COL8A1: variants seen among roughly 807,000 people sequenced by gnomAD.
COL8A1 encodes collagen alpha-1(VIII) chain.
Under a neutral mutation model 42.7 loss-of-function variants are expected in COL8A1, and 21 were observed. The observed-to-expected ratio is 0.49, with a 90% CI of 0.35 to 0.71. The LOEUF is 0.71. Among genes scored for constraint, COL8A1 ranks in the 30% least tolerant of loss-of-function variants. COL8A1 has a pLI of 0.01. For missense variants in COL8A1, 788 were observed against 962.4 expected (o/e 0.82, Z 2.40); for synonymous variants, 367 against 369.1 (o/e 0.99, Z 0.06).
chr3:99,676,172 A>C (rs1938686631), intron 1 of COL8A1, among the ~76,000 whole-genome samples: 1 of 152,136 alleles, frequency 6.6e-6, no homozygotes, highest in South Asian at 2.1e-4. Flanking sequence ...CTTTTAAAAA[A>C]CTAAATCATT....
At chr3:99,668,542 C>T (rs1311838389) in intron 1 of COL8A1, among the ~76,000 whole-genome samples, 1 of 152,022 alleles carries the variant, frequency 6.6e-6, no homozygotes, top group African/African-American at 2.4e-5. Context: ...TGCCATTTCA[C>T]ATGTATCTTT....
intron 1 of COL8A1, among the ~76,000 whole-genome samples, chr3:99,716,730 A>G (rs868207055): frequency 1.3e-4 from 20 of 151,988 alleles, no homozygotes; most frequent in Middle Eastern, 3.2e-3. Context: ...TGAACTGAGG[A>G]AAAAAGTATT....
intron 1 of COL8A1, among the ~76,000 whole-genome samples, chr3:99,653,187 C>G (rs1305751558): frequency 6.6e-6 from 1 of 152,148 alleles, no homozygotes; most frequent in Non-Finnish European, 1.5e-5. Context: ...TAATTAAGTG[C>G]CAGCACAGCG....
At chr3:99,685,338 A>G (rs1939018366) in intron 1 of COL8A1, 1 of 152,216 alleles carries the variant, frequency 6.6e-6, no homozygotes, top group Admixed American at 6.5e-5. Flanking sequence ...TTAATTTTCT[A>G]TGTAGAATCA....
intron 2 of COL8A1, among the ~76,000 whole-genome samples, chr3:99,758,867 C>T (rs1941311021): frequency 6.6e-6 from 1 of 152,114 alleles, no homozygotes; most frequent in Non-Finnish European, 1.5e-5. Flanking sequence ...GAATTCAAAA[C>T]AATTAGCCTT....
At chr3:99,655,351 AT>A (rs1937984710) in intron 1 of COL8A1, among the ~76,000 whole-genome samples, 2 of 152,214 alleles carry the variant, frequency 1.3e-5, no homozygotes, top group African/African-American at 4.8e-5. Context: ...TAGATTTAAA[AT>A]ATACAAAACA....
intron 1 of COL8A1, among the ~76,000 whole-genome samples, chr3:99,744,503 C>G (rs1160628485): frequency 6.6e-6 from 1 of 152,160 alleles, no homozygotes; most frequent in Admixed American, 6.5e-5. Flanking sequence ...TCAAATACTG[C>G]TATATGTAAA....
At chr3:99,652,414 A>G (rs937965366) in intron 1 of COL8A1, among the ~76,000 whole-genome samples, 6 of 152,216 alleles carry the variant, frequency 3.9e-5, no homozygotes, top group Non-Finnish European at 1.5e-5. Context: ...TCTACAATTT[A>G]CACATAAGGC....
chr3:99,752,393 C>G (rs1941168478), intron 2 of COL8A1, among the ~76,000 whole-genome samples: 1 of 152,020 alleles, frequency 6.6e-6, no homozygotes, highest in Non-Finnish European at 1.5e-5. Context: ...TTATTTATAA[C>G]ATGATCACTC....
chr3:99,791,747 A>G (rs1375273770), intron 3 of COL8A1, among the ~76,000 whole-genome samples: 1 of 152,160 alleles, frequency 6.6e-6, no homozygotes, highest in Non-Finnish European at 1.5e-5. Flanking sequence ...AGCCAGTCCC[A>G]CTAGTCCCTA....
intron 1 of COL8A1, among the ~76,000 whole-genome samples, chr3:99,692,202 A>G (rs767038724): frequency 4.6e-5 from 7 of 152,184 alleles, no homozygotes; most frequent in Non-Finnish European, 7.4e-5. Flanking sequence ...GGCAGAAACT[A>G]CATACATCCA....
chr3:99,645,264 A>G (rs1937620307), intron 1 of COL8A1, among the ~76,000 whole-genome samples: 1 of 152,108 alleles, frequency 6.6e-6, no homozygotes, highest in Admixed American at 6.6e-5. Flanking sequence ...CATCAATGCT[A>G]TCAATCCAAA....
chr3:99,684,141 G>A (rs1032739031), intron 1 of COL8A1, among the ~76,000 whole-genome samples: 1 of 152,118 alleles, frequency 6.6e-6, no homozygotes, highest in Non-Finnish European at 1.5e-5. Context: ...AGCAGGTGAT[G>A]GAAGGCCACC....
At chr3:99,698,725 A>G (rs994033552) in intron 1 of COL8A1, among the ~76,000 whole-genome samples, 1 of 152,236 alleles carries the variant, frequency 6.6e-6, no homozygotes, top group Non-Finnish European at 1.5e-5. Flanking sequence ...TGCTCTGTGT[A>G]TGTACTGTAT....
At chr3:99,709,509 A>T (rs1939776560) in intron 1 of COL8A1, among the ~76,000 whole-genome samples, 1 of 152,166 alleles carries the variant, frequency 6.6e-6, no homozygotes, top group African/African-American at 2.4e-5. Context: ...ATATTTATTG[A>T]CCCAAATTAC....
chr3:99,770,733 T>C (rs1941563229), intron 2 of COL8A1, among the ~76,000 whole-genome samples: 1 of 152,216 alleles, frequency 6.6e-6, no homozygotes, highest in African/African-American at 2.4e-5. Context: ...TCCACACTTT[T>C]TGGAGCACCT....
At chr3:99,648,550 AAAAACAAAAC>A (rs779582715) in intron 1 of COL8A1, among the ~76,000 whole-genome samples, 50 of 152,286 alleles carry the variant, frequency 3.3e-4, no homozygotes, top group Non-Finnish European at 5.7e-4. Context: ...CAAACAAACA[AAAAACAAAAC>A]AAAACAAAAA....
chr3:99,683,888 T>C (rs768033691), intron 1 of COL8A1, among the ~76,000 whole-genome samples: 4 of 152,196 alleles, frequency 2.6e-5, no homozygotes, highest in Non-Finnish European at 2.9e-5. Context: ...ACTTTGTCTC[T>C]ATAAGACCAA....
intron 1 of COL8A1, among the ~76,000 whole-genome samples, chr3:99,730,360 A>G (rs760178352): frequency 2.0e-5 from 3 of 152,096 alleles, no homozygotes; most frequent in Non-Finnish European, 1.5e-5. Flanking sequence ...GCATATCAAA[A>G]CTCCTGCCTG....
Sources: allele counts gnomAD v4.1 joint callset (sites outside exome capture counted in the v4.1 genomes callset), GRCh38; gene constraint gnomAD v4.1.1; transcripts MANE v1.5; gene names NCBI Gene and HGNC (gene_info 2026-07-23, HGNC 2026-07-21).